Variants in STS observed in about 807,000 individuals in gnomAD.
STS encodes steroid sulfatase, also known as steryl-sulfatase.
A neutral mutation model predicts 26.8 loss-of-function variants in STS; 7 were observed. That is an observed-to-expected ratio of 0.26 (90% confidence interval 0.15 to 0.49). The LOEUF (loss-of-function observed/expected upper bound fraction) is 0.49, where lower values mean the gene tolerates loss of function less well. Ranked by LOEUF, STS falls within the 20% of genes least tolerant of loss-of-function variation. STS has a pLI of 0.98. For synonymous variants in STS, 199 were observed against 189.4 expected (o/e 1.05, Z -0.42); for missense variants, 434 against 465.6 (o/e 0.93, Z 0.63).
rs372918161 is a variant in STS at position 7,284,355 on chromosome X, A to C, written c.943+8268A>C. On this transcript the variant is annotated intron_variant, in intron 7 of 10. Transcript: ENST00000674429. ...GCTTCCCTCTGTCCAGCACAGACCC[A>C]TCTGTTAGCTCAATGGCATTAAGGC... Among the ~76,000 whole-genome samples, 4 of 111,755 alleles carry C rather than the reference A, an allele frequency of 3.6e-5. No homozygotes were observed. The South Asian group carries it at 1.1e-3, about 31-fold the overall frequency.
intron 6 of STS, among the ~76,000 whole-genome samples, chrX:7,268,210 T>C (rs372072256): frequency 7.1e-5 from 8 of 112,353 alleles, no homozygotes; most frequent in African/African-American, 2.6e-4. Context: ...GATAAATAAA[T>C]ACTCCTTTCT....
intron 2 of STS, among the ~76,000 whole-genome samples, chrX:7,224,160 A>C (rs1921701454): frequency 8.9e-6 from 1 of 111,768 alleles, no homozygotes. Context: ...TGATCTTTTC[A>C]CTTAAAGCTC....
intron 2 of STS, among the ~76,000 whole-genome samples, chrX:7,214,973 TATATATACATATATATAC>T (rs1921198137): frequency 1.6e-5 from 1 of 63,952 alleles, no homozygotes; most frequent in African/African-American, 5.6e-5. Context: ...ATTATATATG[TATATATACATATATATAC>T]GTATATATAC....
At chrX:7,344,543 G>A (rs1431167518) in intron 10 of STS, among the ~76,000 whole-genome samples, 1 of 111,499 alleles carries the variant, frequency 9.0e-6, no homozygotes. Flanking sequence ...CAGCAGAAGA[G>A]ACAGCTCCTC....
At chrX:7,225,891 C>T (rs73192682) in intron 2 of STS, among the ~76,000 whole-genome samples, 7 of 111,917 alleles carry the variant, frequency 6.3e-5, no homozygotes, top group Admixed American at 5.7e-4. Flanking sequence ...AGATGCATCC[C>T]GGAATGTAAA....
At chrX:7,323,931 C>G (rs967496711) in intron 8 of STS, among the ~76,000 whole-genome samples, 11 of 111,068 alleles carry the variant, frequency 9.9e-5, no homozygotes, top group African/African-American at 3.3e-4. Flanking sequence ...CTCCACTTCT[C>G]TGACTCCCTC....
chrX:7,221,328 A>G (rs1318939029), intron 2 of STS, among the ~76,000 whole-genome samples: 1 of 112,541 alleles, frequency 8.9e-6, no homozygotes, highest in Non-Finnish European at 1.9e-5. Context: ...TAGTCGATTC[A>G]TACAAATCAT....
intron 2 of STS, among the ~76,000 whole-genome samples, chrX:7,206,986 G>C (rs1473687662): frequency 8.9e-6 from 1 of 111,969 alleles, no homozygotes; most frequent in Non-Finnish European, 1.9e-5. Flanking sequence ...AAGGAGGGTG[G>C]ATTGCTTGAG....
At chrX:7,322,387 A>G (rs756195394) in intron 8 of STS, among the ~76,000 whole-genome samples, 2 of 111,459 alleles carry the variant, frequency 1.8e-5, no homozygotes, top group Non-Finnish European at 3.8e-5. Flanking sequence ...GCCTCAATGC[A>G]GATTCTCTCT....
intron 8 of STS, among the ~76,000 whole-genome samples, chrX:7,321,749 G>A (rs1160707096): frequency 1.8e-5 from 2 of 112,520 alleles, no homozygotes; most frequent in South Asian, 3.7e-4. Context: ...GTTTAAAACA[G>A]CCTCTTTTTT....
At chrX:7,286,770 T>C (rs1156439220) in intron 7 of STS, among the ~76,000 whole-genome samples, 2 of 111,902 alleles carry the variant, frequency 1.8e-5, no homozygotes, top group Non-Finnish European at 3.8e-5. Flanking sequence ...TAAAGATATA[T>C]AGTACACTTT....
chrX:7,147,709 C>A (rs1321747858), upstream of STS, among the ~76,000 whole-genome samples: 1 of 111,879 alleles, frequency 8.9e-6, no homozygotes, highest in Non-Finnish European at 1.9e-5. Context: ...CCCGCCGCGC[C>A]TCGCTCTGAG....
intron 7 of STS, among the ~76,000 whole-genome samples, chrX:7,298,320 A>G (rs1479448439): frequency 8.9e-6 from 1 of 111,736 alleles, no homozygotes; most frequent in Non-Finnish European, 1.9e-5. Flanking sequence ...TATACTGTAG[A>G]TAAATCATAT....
At chrX:7,216,382 G>A (rs1310087877) in intron 2 of STS, among the ~76,000 whole-genome samples, 1 of 111,544 alleles carries the variant, frequency 9.0e-6, no homozygotes, top group Non-Finnish European at 1.9e-5. Context: ...AAGTCTCCCC[G>A]GTTGGTATCA....
intron 10 of STS, among the ~76,000 whole-genome samples, chrX:7,336,764 C>A (rs1211528710): frequency 8.9e-6 from 1 of 112,045 alleles, no homozygotes; most frequent in African/African-American, 3.2e-5. Context: ...ACTGCATGTT[C>A]GAATAAGTCT....
At chrX:7,327,550 A>G (rs1927540804) in intron 9 of STS, among the ~76,000 whole-genome samples, 1 of 108,682 alleles carries the variant, frequency 9.2e-6, no homozygotes, top group Non-Finnish European at 1.9e-5. Context: ...CGCCCAGTTA[A>G]TTTTTTGTAT....
chrX:7,175,670 C>T (rs1933556853), intron 1 of STS, among the ~76,000 whole-genome samples: 1 of 111,933 alleles, frequency 8.9e-6, no homozygotes, highest in Non-Finnish European at 1.9e-5. Context: ...TTGTCTGTTT[C>T]CTCCAGCATG....
chrX:7,238,596 A>G (rs2061624742), intron 2 of STS, among the ~76,000 whole-genome samples: 1 of 111,295 alleles, frequency 9.0e-6, no homozygotes, highest in African/African-American at 3.3e-5. Context: ...TAGGAGGCCA[A>G]GGTGGGAGGA....
chrX:7,242,091 T>G (rs1236160584), intron 2 of STS, among the ~76,000 whole-genome samples: 1 of 110,872 alleles, frequency 9.0e-6, no homozygotes, highest in Non-Finnish European at 1.9e-5. Context: ...AATTGACATC[T>G]CATCACTTTT....
Sources: gnomAD v4.1 joint callset for allele counts (sites outside exome capture counted in the v4.1 genomes callset) on GRCh38, gnomAD v4.1.1 for gene constraint, MANE v1.5 for transcripts, NCBI Gene and HGNC (gene_info 2026-07-23, HGNC 2026-07-21) for gene names.